The following KAT6A variants were observed in gnomAD, a reference collection of about 807,000 sequenced individuals.
KAT6A encodes lysine acetyltransferase 6A, also known as histone acetyltransferase KAT6A.
In KAT6A, 9 loss-of-function variants were observed where a neutral mutation model predicts 198.4. The ratio of observed to expected loss-of-function variants is 0.05; its 90% CI spans 0.03 to 0.08. The LOEUF is 0.08. Among genes scored for constraint, KAT6A ranks in the 10% least tolerant of loss-of-function variants. KAT6A has a pLI of 1.00. For missense variants in KAT6A, 2,077 were observed against 2,509.9 expected (o/e 0.83, Z 3.69); for synonymous variants, 890 against 883.0 (o/e 1.01, Z -0.14).
intron 7 of KAT6A, among the ~76,000 whole-genome samples, chr8:41,975,046 A>G (rs753008092): frequency 3.9e-5 from 6 of 152,212 alleles, no homozygotes; most frequent in Non-Finnish European, 7.3e-5. Context: ...AAAATATTAT[A>G]TAACTAAATT....
At chr8:41,955,636 T>C (rs1822883596) in intron 8 of KAT6A, among the ~76,000 whole-genome samples, 1 of 152,164 alleles carries the variant, frequency 6.6e-6, no homozygotes, top group Admixed American at 6.5e-5. Flanking sequence ...CCAAATGCAT[T>C]GGGTGTTGCT....
intron 3 of KAT6A, among the ~76,000 whole-genome samples, chr8:41,983,461 TTTTG>T (rs1272778129): frequency 6.6e-6 from 1 of 152,098 alleles, no homozygotes; most frequent in Non-Finnish European, 1.5e-5. Flanking sequence ...AACATACAGT[TTTTG>T]TTTTATTTTA....
At chr8:42,037,290 A>G (rs1827426862) in intron 2 of KAT6A, among the ~76,000 whole-genome samples, 2 of 152,206 alleles carry the variant, frequency 1.3e-5, no homozygotes, top group South Asian at 4.1e-4. Context: ...GGAAAAAAGT[A>G]AGGCAGGAAA....
At position 41,949,174 on chromosome 8, in the gene KAT6A, C is replaced by T. The variant is rs539209931; in HGVS notation, c.1740+48G>A. ...GCACAATAGATGCAATATAGGTGGCCCTACTTATGAAATGGATGAGAGGAC... is the reference window on the plus strand; with the variant it reads ...GCACAATAGATGCAATATAGGTGGCTCTACTTATGAAATGGATGAGAGGAC... On this transcript the variant is annotated intron_variant, in intron 10 of 16. Coordinates refer to ENST00000265713, the MANE Select transcript of KAT6A (RefSeq NM_006766.5). 2.3e-6 allele frequency: 3 copies of T among 1,314,312 alleles called. No individual in the cohort carries two copies. In the Admixed American group the frequency reaches 9.9e-5, roughly 44 times the overall value. The allele number at this position is 1,314,312 out of a possible 1,614,324, so 81.4% of individuals were successfully genotyped here. A position where few individuals can be genotyped will look rare whatever the true frequency, so the allele number is the denominator to read the frequency against.
At chr8:42,003,786 G>A (rs1237831340) in intron 2 of KAT6A, among the ~76,000 whole-genome samples, 1 of 152,046 alleles carries the variant, frequency 6.6e-6, no homozygotes, top group Admixed American at 6.6e-5. Flanking sequence ...TAAAGCTGGG[G>A]CCCTAATCCA....
chr8:42,051,768 G>A (rs1351321485), intron 1 of KAT6A, 133 bp downstream of exon 1: 5 of 146,366 alleles, frequency 3.4e-5, no homozygotes, highest in Admixed American at 6.8e-5. Context: ...GCAGAGCAGC[G>A]GGAGGCGGCG....
intron 2 of KAT6A, among the ~76,000 whole-genome samples, chr8:42,004,877 G>A (rs146585325): frequency 0.1 from 15,878 of 151,704 alleles, 1,063 homozygotes; most frequent in East Asian, 0.24. Context: ...GCAATGAGCC[G>A]AGATCACGCC....
chr8:42,034,943 T>C (rs1007584110), intron 2 of KAT6A, among the ~76,000 whole-genome samples: 2 of 152,222 alleles, frequency 1.3e-5, no homozygotes, highest in Non-Finnish European at 2.9e-5. Context: ...CAGTGTGGGA[T>C]AGAAAGCCCA....
In KAT6A at chr8:41,975,037, A is replaced by G. The variant is rs373532566; in HGVS notation, c.1364-215T>C. Among the ~76,000 whole-genome samples, 18 of 152,336 alleles carry G rather than the reference A, an allele frequency of 1.2e-4. No individual in the cohort carries two copies. The South Asian group carries it at 2.1e-3, about 18-fold the overall frequency. Reference sequence around the variant, plus strand: ...CCTGAATTGTCTTAAAGCTTCCTAAAAATATTATATAACTAAATTTAAACT... The same window carrying G: ...CCTGAATTGTCTTAAAGCTTCCTAAGAATATTATATAACTAAATTTAAACT... On this transcript the variant is annotated intron_variant, in intron 7 of 16. Transcript: ENST00000265713.
intron 15 of KAT6A, 28 bp downstream of exon 15, chr8:41,940,814 A>G (rs113246062): frequency 6.3e-7 from 1 of 1,582,530 alleles, no homozygotes; most frequent in Admixed American, 1.8e-5. Flanking sequence ...AATTGGAGGA[A>G]GAGAAGACCT....
At chr8:41,961,055 T>C (rs930087268) in intron 8 of KAT6A, among the ~76,000 whole-genome samples, 4 of 152,206 alleles carry the variant, frequency 2.6e-5, no homozygotes, top group Non-Finnish European at 4.4e-5. Context: ...CAGGTCCTGA[T>C]GCTTCCTACT....
chr8:41,933,474 A>G lies in KAT6A; in HGVS notation c.4746T>C (p.Ser1582=), dbSNP rs1207036786. ...TMGGSICGNS[S]SQSSCSYGGL... is the part of the protein sequence containing the mutation. ...CACCGTAGGAGCAGCTGCTCTGGGAAGAGCTGTTCCCACAGATGCTGCCGC... is the reference window on the plus strand; with the variant it reads ...CACCGTAGGAGCAGCTGCTCTGGGAGGAGCTGTTCCCACAGATGCTGCCGC... Residue 1582 remains serine, a synonymous_variant, in exon 17 of 17, where the codon TCT becomes TCC. Transcript: ENST00000265713. The surrounding 1 kb of genome is among the most constrained non-coding windows in gnomAD (Gnocchi z 6.2). 6.2e-7 allele frequency: 1 copy of G among 1,611,568 alleles called. No individual in the cohort carries two copies. The highest frequency in any genetic ancestry group is 8.5e-7 in the Non-Finnish European group (1 of 1,177,946).
At position 41,980,860 on chromosome 8, in the gene KAT6A, G is replaced by A. The variant is rs199732997; in HGVS notation, c.893C>T (p.Thr298Ile). 27 of 1,611,758 alleles carry A rather than the reference G, an allele frequency of 1.7e-5. No homozygotes were observed. The highest frequency in any genetic ancestry group is 2.2e-5 in the Non-Finnish European group (26 of 1,178,078). ...GTATTTCTCACCTTTTGGCATACGG[G>A]TGAGTGGCGGATCACAACACTCCAT... ...FHMECCDPPL[T>I]RMPKGMWICQ... is the part of the protein sequence containing the mutation. Residue 298 changes from threonine (T) to isoleucine (I), a missense_variant, in exon 5 of 17, where the codon ACC (threonine) becomes ATC (isoleucine). This residue lies in a region of KAT6A where 89 missense variants were observed against 154.4 expected (regional missense o/e 0.58). Transcript: ENST00000265713.
intron 2 of KAT6A, among the ~76,000 whole-genome samples, chr8:42,023,048 C>T (rs1826627175): frequency 6.6e-6 from 1 of 152,136 alleles, no homozygotes; most frequent in Non-Finnish European, 1.5e-5. Context: ...GGCTACAGCT[C>T]CTAGCTACAA....
intron 2 of KAT6A, among the ~76,000 whole-genome samples, chr8:42,011,794 T>C (rs954431704): frequency 2.7e-5 from 4 of 150,538 alleles, no homozygotes; most frequent in African/African-American, 9.8e-5. Context: ...AAGGAAATAT[T>C]GAGGCATACA....
In KAT6A at chr8:41,978,652, G is replaced by C. The variant is rs761913354; in HGVS notation, c.1033C>G (p.Gln345Glu). 1.9e-6 allele frequency: 3 copies of C among 1,613,678 alleles called. No homozygotes were observed. In the African/African-American group the frequency reaches 4.0e-5, roughly 22 times the overall value. ...IGRPKNRLKK[Q>E]NTVSKGPFSK... ...ACAAGTACAACTTACACCGTGTTTT[G>C]TTTCTTTAACCTGTTTTTTGGACGT... The change falls in exon 6 of 17, where the codon CAA (glutamine) becomes GAA (glutamate). Residue 345 changes from glutamine (Q) to glutamate (E), a missense_variant. Gln to Glu is a conservative substitution (Grantham distance 29). Coordinates refer to ENST00000265713, the MANE Select transcript of KAT6A (RefSeq NM_006766.5).
At chr8:42,037,335 T>C (rs1211131869) in intron 2 of KAT6A, among the ~76,000 whole-genome samples, 1 of 152,174 alleles carries the variant, frequency 6.6e-6, no homozygotes, top group Non-Finnish European at 1.5e-5. Context: ...AAGTTAGATA[T>C]TTAAAGATGC....
intron 8 of KAT6A, among the ~76,000 whole-genome samples, chr8:41,963,195 G>A (rs1382120432): frequency 1.3e-5 from 2 of 152,038 alleles, no homozygotes; most frequent in Non-Finnish European, 2.9e-5. Context: ...CCAGTATTTA[G>A]TAATATTTAT....
intron 3 of KAT6A, among the ~76,000 whole-genome samples, chr8:41,985,654 T>TA (rs1284588649): frequency 1.3e-5 from 2 of 152,170 alleles, no homozygotes; most frequent in African/African-American, 4.8e-5. Flanking sequence ...CTCTTCCAGA[T>TA]AGAGGCAGAC....
Sources: gnomAD v4.1 joint callset for allele counts (sites outside exome capture counted in the v4.1 genomes callset) on GRCh38, gnomAD v4.1.1 for gene constraint, gnomAD v4.1.1 regional missense constraint, Gnocchi (gnomAD v3.1) non-coding constraint, MANE v1.5 for transcripts, NCBI Gene and HGNC (gene_info 2026-07-23, HGNC 2026-07-21) for gene names.